The following NMNAT2 variants were observed in gnomAD, a reference collection of about 807,000 sequenced individuals.
NMNAT2 encodes the protein nicotinamide/nicotinic acid mononucleotide adenylyltransferase 2.
NMNAT2 carries 11 observed loss-of-function variants against 41.6 expected under a neutral mutation model. That is an observed-to-expected ratio of 0.26 (90% CI 0.17 to 0.44). The LOEUF (loss-of-function observed/expected upper bound fraction) is 0.44, where lower values mean the gene tolerates loss of function less well. NMNAT2 is among the 20% of genes least tolerant of loss of function. The pLI is 1.00. For synonymous variants in NMNAT2, 148 were observed against 151.2 expected (o/e 0.98, Z 0.16); for missense variants, 288 against 407.7 (o/e 0.71, Z 2.53).
chr1:183,400,595 C>T lies in NMNAT2; in HGVS notation c.85+17588G>A, dbSNP rs183147035. On this transcript the variant is annotated intron_variant, in intron 1 of 10. Transcript: ENST00000287713. ...GCTCATATGGAAGCAAAAAAGAGCC[C>T]GCATTGCCAAGACAATCCTAAGCCA... 1.2e-3 allele frequency among the ~76,000 whole-genome samples: 178 copies of T among 152,224 alleles called. 1 individual carries two copies. The highest frequency in any genetic ancestry group is 3.7e-3 in the African/African-American group (153 of 41,544).
rs543364840 is a variant in NMNAT2 at position 183,308,149 on chromosome 1, A to G, written c.86-14356T>C. 7.9e-5 allele frequency among the ~76,000 whole-genome samples: 12 copies of G among 152,338 alleles called. No homozygotes were observed. The South Asian group carries it at 1.5e-3, about 18-fold the overall frequency. On this transcript the variant is annotated intron_variant, in intron 1 of 10. Transcript: ENST00000287713. Reference sequence around the variant, plus strand: ...ATTTGTCTTATGAGTCTCAGAGCTCATAGAGGATTTTGCTGCTTTTCCCTC... The same window carrying G: ...ATTTGTCTTATGAGTCTCAGAGCTCGTAGAGGATTTTGCTGCTTTTCCCTC...
chr1:183,410,580 G>A (rs143465567), intron 1 of NMNAT2, among the ~76,000 whole-genome samples: 2 of 151,874 alleles, frequency 1.3e-5, no homozygotes, highest in African/African-American at 4.8e-5. Flanking sequence ...GAACTGCTTG[G>A]CACTGCCCCC....
chr1:183,368,342 T>C lies in NMNAT2; in HGVS notation c.85+49841A>G, dbSNP rs1405708822. 2.6e-5 allele frequency among the ~76,000 whole-genome samples: 4 copies of C among 152,286 alleles called. No individual in the cohort carries two copies. In the East Asian group the frequency reaches 5.8e-4, roughly 22 times the overall value. Reference sequence around the variant, plus strand: ...GGGCAACATCATGGCTGCAGTGGACTACAGAGGGTTCCTGGAGGCCGGAAT... The same window carrying C: ...GGGCAACATCATGGCTGCAGTGGACCACAGAGGGTTCCTGGAGGCCGGAAT... On this transcript the variant is annotated intron_variant, in intron 1 of 10. Coordinates refer to ENST00000287713, the MANE Select transcript of NMNAT2 (RefSeq NM_015039.4).
intron 10 of NMNAT2, among the ~76,000 whole-genome samples, chr1:183,256,003 A>G (rs1355373678): frequency 1.3e-5 from 2 of 152,254 alleles, no homozygotes; most frequent in Non-Finnish European, 2.9e-5. Flanking sequence ...ACTTTGCTGA[A>G]TGGAAGTGGG....
chr1:183,327,061 T>TG (rs199631455), intron 1 of NMNAT2, among the ~76,000 whole-genome samples: 20 of 151,914 alleles, frequency 1.3e-4, no homozygotes, highest in Admixed American at 2.0e-4. Context: ...TATGTATGTA[T>TG]TTATTTTTGA....
intron 1 of NMNAT2, among the ~76,000 whole-genome samples, chr1:183,372,578 A>T (rs1663573805): frequency 6.6e-6 from 1 of 152,214 alleles, no homozygotes. Context: ...CCCAATGTTC[A>T]ATGAAACTAA....
intron 1 of NMNAT2, among the ~76,000 whole-genome samples, chr1:183,368,419 G>A (rs1663460280): frequency 1.3e-5 from 2 of 152,108 alleles, no homozygotes; most frequent in African/African-American, 4.8e-5. Flanking sequence ...GGGCTGCGCT[G>A]TCTCATCTCT....
intron 5 of NMNAT2, among the ~76,000 whole-genome samples, chr1:183,285,856 T>C (rs1044790508): frequency 1.3e-5 from 2 of 152,160 alleles, no homozygotes; most frequent in Non-Finnish European, 2.9e-5. Context: ...TTTGGGCACA[T>C]AGTCCTAGGT....
At chr1:183,382,366 C>T (rs1663819943) in intron 1 of NMNAT2, among the ~76,000 whole-genome samples, 1 of 152,174 alleles carries the variant, frequency 6.6e-6, no homozygotes, top group African/African-American at 2.4e-5. Context: ...GACACAAATC[C>T]AAACCATATC....
chr1:183,405,484 A>C (rs143529658), intron 1 of NMNAT2, among the ~76,000 whole-genome samples: 190 of 152,332 alleles, frequency 1.2e-3, no homozygotes, highest in African/African-American at 4.4e-3. Flanking sequence ...ACTTCACCCA[A>C]TGTAAATATG....
chr1:183,375,985 C>G (rs145225714), intron 1 of NMNAT2, among the ~76,000 whole-genome samples: 16 of 147,730 alleles, frequency 1.1e-4, no homozygotes, highest in African/African-American at 4.0e-4. Flanking sequence ...AAAGAAACAC[C>G]TCACTCAAAG....
chr1:183,403,346 C>T (rs1648867896), intron 1 of NMNAT2, among the ~76,000 whole-genome samples: 2 of 152,016 alleles, frequency 1.3e-5, no homozygotes, highest in African/African-American at 4.8e-5. Flanking sequence ...TCGCAATAGC[C>T]TGAAATAAGT....
At chr1:183,386,748 G>T (rs921824824) in intron 1 of NMNAT2, among the ~76,000 whole-genome samples, 3 of 151,874 alleles carry the variant, frequency 2.0e-5, no homozygotes, top group Non-Finnish European at 4.4e-5. Context: ...AATTACAAAA[G>T]CAGTATAATA....
intron 1 of NMNAT2, among the ~76,000 whole-genome samples, chr1:183,399,941 C>T (rs888807609): frequency 3.3e-5 from 5 of 152,094 alleles, no homozygotes; most frequent in African/African-American, 1.2e-4. Flanking sequence ...TTATGACAAA[C>T]CTACAGCCAA....
At chr1:183,378,888 C>T (rs1432402739) in intron 1 of NMNAT2, among the ~76,000 whole-genome samples, 7 of 151,828 alleles carry the variant, frequency 4.6e-5, no homozygotes, top group East Asian at 1.9e-4. Context: ...ACTAAATATA[C>T]AAAAATTAGG....
intron 8 of NMNAT2, 120 bp downstream of exon 8, chr1:183,278,433 T>C (rs1352864491): frequency 3.0e-6 from 2 of 661,962 alleles, no homozygotes; most frequent in Non-Finnish European, 5.6e-6. Context: ...ACCATAGTGA[T>C]GTGAACGGAC....
intron 10 of NMNAT2, among the ~76,000 whole-genome samples, chr1:183,256,456 A>T (rs1660518643): frequency 6.6e-6 from 1 of 152,174 alleles, no homozygotes; most frequent in South Asian, 2.1e-4. Flanking sequence ...GGCCTTCGTT[A>T]TGTTGAGAAA....
Position 183,274,121 on chromosome 1 carries a change from C to T in NMNAT2, c.651+4432G>A, listed in dbSNP as rs113332780. ...AGAGATGGGGTTTTACCATGTTGGC[C>T]AGGCTTGTCTCAAACTCCTGACCTC... On this transcript the variant is annotated intron_variant, in intron 8 of 10. Transcript: ENST00000287713. Among the ~76,000 whole-genome samples, 232 of 151,766 alleles carry T rather than the reference C, an allele frequency of 1.5e-3. 3 individuals are homozygous for T. The highest frequency in any genetic ancestry group is 5.3e-3 in the African/African-American group (221 of 41,332).
chr1:183,316,563 C>T (rs1662254285), intron 1 of NMNAT2, among the ~76,000 whole-genome samples: 1 of 152,194 alleles, frequency 6.6e-6, no homozygotes, highest in Non-Finnish European at 1.5e-5. Context: ...AGAGCCAGGG[C>T]TCGCCAGCCC....
Sources: allele counts gnomAD v4.1 joint callset (sites outside exome capture counted in the v4.1 genomes callset), GRCh38; gene constraint gnomAD v4.1.1; transcripts MANE v1.5; gene names NCBI Gene and HGNC (gene_info 2026-07-23, HGNC 2026-07-21).